CDH20: variants seen among roughly 807,000 people sequenced by gnomAD.
CDH20 encodes cadherin-20.
CDH20 carries 29 observed loss-of-function variants against 74.2 expected under a neutral mutation model. The ratio of observed to expected loss-of-function variants is 0.39; its 90% confidence interval spans 0.29 to 0.53. The LOEUF (loss-of-function observed/expected upper bound fraction) is 0.53. Ranked by LOEUF, CDH20 falls within the 20% of genes least tolerant of loss-of-function variation. The probability of loss-of-function intolerance (pLI) is 0.69; values close to 1 mark genes in which losing one functional copy is unlikely to be tolerated. For synonymous variants in CDH20, 469 were observed against 405.4 expected (o/e 1.16, Z -1.88); for missense variants, 988 against 1,048.3 (o/e 0.94, Z 0.79).
At position 61,513,875 on chromosome 18, in the gene CDH20, A is replaced by G. The variant is rs1159708944; in HGVS notation, c.1017+6315A>G. Among the ~76,000 whole-genome samples, 4 of 152,204 alleles carry G rather than the reference A, an allele frequency of 2.6e-5. No individual in the cohort carries two copies. The East Asian group carries it at 7.7e-4, about 29-fold the overall frequency. ...GGTTTCTGCCGAGAGATCCGCTATT[A>G]GTCTGATGGGCTTCCCTTTGAGGGT... On this transcript the variant is annotated intron_variant, in intron 6 of 11. Transcript: ENST00000262717.
rs1289058648 is a variant in CDH20, at chr18:61,333,677, G to A, written c.-303G>A. 6.6e-6 allele frequency: 1 copy of A among 150,892 alleles called. No homozygotes were observed. The highest frequency in any genetic ancestry group is 1.5e-5 in the Non-Finnish European group (1 of 67,688). The allele number at this position is 150,892 out of a possible 1,614,324, so 9.3% of individuals were successfully genotyped here. A position where few individuals can be genotyped will look rare whatever the true frequency, so the allele number is the denominator to read the frequency against. ...GTGACACTTCTGACAGAGGGGGTAGGGGGGTGGGGGGCGGGGACAGCGCCG... is the reference window on the plus strand; with the variant it reads ...GTGACACTTCTGACAGAGGGGGTAGAGGGGTGGGGGGCGGGGACAGCGCCG... On this transcript the variant is annotated 5_prime_UTR_variant, in exon 1 of 12. Coordinates refer to ENST00000262717, the MANE Select transcript of CDH20 (RefSeq NM_031891.4).
intron 1 of CDH20, among the ~76,000 whole-genome samples, chr18:61,453,238 G>T (rs970122345): frequency 6.6e-6 from 1 of 152,044 alleles, no homozygotes; most frequent in East Asian, 1.9e-4. Context: ...TTCCAAAAAT[G>T]TTATACAAAA....
intron 1 of CDH20, among the ~76,000 whole-genome samples, chr18:61,416,140 T>C (rs903766518): frequency 3.3e-5 from 5 of 152,200 alleles, no homozygotes; most frequent in African/African-American, 1.2e-4. Context: ...CAAGATTTAA[T>C]TTTTTTCTGT....
chr18:61,452,122 G>A (rs1176793180), intron 1 of CDH20, among the ~76,000 whole-genome samples: 1 of 152,014 alleles, frequency 6.6e-6, no homozygotes, highest in Non-Finnish European at 1.5e-5. Context: ...CCTCCCAACA[G>A]TCCTCCAGTG....
In CDH20 at chr18:61,467,841, AC is replaced by A. The variant is rs1470584559; in HGVS notation, c.-152-22557del. 1.2e-4 allele frequency among the ~76,000 whole-genome samples: 19 copies of A among 152,256 alleles called. 2 individuals are homozygous for A. In the South Asian group the frequency reaches 3.9e-3, roughly 32 times the overall value. On this transcript the variant is annotated intron_variant, in intron 1 of 11. Coordinates refer to ENST00000262717, the MANE Select transcript of CDH20 (RefSeq NM_031891.4). ...TAGAATCTAAAGCTGATTCTGCCTG[AC>A]CCCAAGGCTTACGTTCGCTTACTAG...
At position 61,554,411 on chromosome 18, in the gene CDH20, C is replaced by A; in HGVS notation, c.2122C>A (p.Leu708Ile). ...GGACATGCTGCCCGAGATCGAGAGC[C>A]TCTCCCGCTACGTGCCTCAGACGTG... is the stretch of plus-strand genomic sequence containing the variant. ...RQDMLPEIES[L>I]SRYVPQTCAV... is the part of the protein sequence containing the mutation. The change falls in exon 12 of 12, where the codon CTC becomes ATC. Residue 708 changes from leucine to isoleucine, a missense_variant. This residue lies in a region of CDH20 where 375 missense variants were observed against 293.1 expected (regional missense o/e 1.28). Transcript: ENST00000262717. The A allele has an allele frequency of 6.2e-7, 1 of 1,613,050 alleles. No homozygotes were observed.
At chr18:61,460,926 T>C (rs1216482713) in intron 1 of CDH20, among the ~76,000 whole-genome samples, 2 of 152,220 alleles carry the variant, frequency 1.3e-5, no homozygotes, top group East Asian at 1.9e-4. Context: ...TATCTTTTGG[T>C]ATTTTTAAGT....
intron 1 of CDH20, chr18:61,334,276 G>A (rs1386947389): frequency 6.6e-6 from 1 of 152,186 alleles, no homozygotes. Context: ...GCACAGAGAT[G>A]TGCGCCGGGA....
At chr18:61,368,756 A>C (rs1910938620) in intron 1 of CDH20, among the ~76,000 whole-genome samples, 1 of 152,046 alleles carries the variant, frequency 6.6e-6, no homozygotes, top group Non-Finnish European at 1.5e-5. Context: ...GTGAAGAAGA[A>C]GACAGACATT....
intron 1 of CDH20, among the ~76,000 whole-genome samples, chr18:61,399,106 A>G (rs1731162870): frequency 1.3e-5 from 2 of 151,242 alleles, no homozygotes; most frequent in South Asian, 2.1e-4. Context: ...TATCAACATG[A>G]CTAATGGAAT....
At chr18:61,521,781 A>G (rs1912217107) in intron 6 of CDH20, among the ~76,000 whole-genome samples, 1 of 144,000 alleles carries the variant, frequency 6.9e-6, no homozygotes, top group Non-Finnish European at 1.5e-5. Context: ...ATGCAAATCA[A>G]TAAATGTAAT....
At chr18:61,480,242 C>T (rs1910541525) in intron 1 of CDH20, among the ~76,000 whole-genome samples, 1 of 152,106 alleles carries the variant, frequency 6.6e-6, no homozygotes, top group Non-Finnish European at 1.5e-5. Flanking sequence ...ACGGTCATAT[C>T]CCTTTAACTT....
At chr18:61,380,520 A>G (rs1599047262) in intron 1 of CDH20, among the ~76,000 whole-genome samples, 1 of 152,250 alleles carries the variant, frequency 6.6e-6, no homozygotes, top group African/African-American at 2.4e-5. Context: ...TGTAAAAATT[A>G]TCAAGACAAC....
At chr18:61,439,528 C>T (rs566516803) in intron 1 of CDH20, among the ~76,000 whole-genome samples, 173 of 152,188 alleles carry the variant, frequency 1.1e-3, no homozygotes, top group African/African-American at 3.8e-3. Context: ...TTCTGTGTAA[C>T]ATGTTGTGTA....
At chr18:61,496,012 C>T (rs1053997429) in intron 2 of CDH20, among the ~76,000 whole-genome samples, 18 of 143,948 alleles carry the variant, frequency 1.3e-4, no homozygotes, top group African/African-American at 5.2e-5. Context: ...TCCCTCTCCC[C>T]TCCACCCTTC....
intron 4 of CDH20, among the ~76,000 whole-genome samples, chr18:61,502,120 T>C (rs561010192): frequency 1.3e-5 from 2 of 152,330 alleles, no homozygotes; most frequent in African/African-American, 4.8e-5. Flanking sequence ...CTGTAGTAAG[T>C]AAGCCTTTAA....
intron 6 of CDH20, among the ~76,000 whole-genome samples, chr18:61,526,760 G>A (rs949664978): frequency 1.5e-4 from 23 of 152,246 alleles, no homozygotes; most frequent in Admixed American, 6.5e-4. Flanking sequence ...TGTATTTTAC[G>A]CGATGGAATT....
intron 6 of CDH20, among the ~76,000 whole-genome samples, chr18:61,522,139 G>T (rs1450556675): frequency 6.6e-6 from 1 of 152,178 alleles, no homozygotes; most frequent in Non-Finnish European, 1.5e-5. Context: ...GTCTTTGTTT[G>T]CAGATGACAT....
At chr18:61,379,214 G>A (rs1219940137) in intron 1 of CDH20, among the ~76,000 whole-genome samples, 1 of 152,032 alleles carries the variant, frequency 6.6e-6, no homozygotes, top group Admixed American at 6.6e-5. Flanking sequence ...ATTTCAACTG[G>A]CTATTTTAAT....
Sources: allele counts gnomAD v4.1 joint callset (sites outside exome capture counted in the v4.1 genomes callset), GRCh38; gene constraint gnomAD v4.1.1; regional missense constraint gnomAD v4.1.1; transcripts MANE v1.5; gene names NCBI Gene and HGNC (gene_info 2026-07-23, HGNC 2026-07-21).